C10orf143: variants seen among roughly 807,000 people sequenced by gnomAD.
C10orf143 encodes chromosome 10 open reading frame 143, also known as uncharacterized protein C10orf143.
intron 3 of C10orf143, among the ~76,000 whole-genome samples, chr10:130,040,350 G>A (rs779697240): frequency 5.3e-5 from 8 of 152,192 alleles, no homozygotes; most frequent in Non-Finnish European, 7.3e-5. Context: ...CCGTGCAAGC[G>A]TGGTATGAGT....
intron 3 of C10orf143, among the ~76,000 whole-genome samples, chr10:130,036,160 T>A (rs892025074): frequency 6.6e-6 from 1 of 152,214 alleles, no homozygotes; most frequent in African/African-American, 2.4e-5. Context: ...CCCAATTCAG[T>A]TCATAGAAAC....
chr10:130,106,075 G>T (rs1312950171), intron 1 of C10orf143: 1 of 596,012 alleles, frequency 1.7e-6, no homozygotes, highest in Non-Finnish European at 3.2e-6. Flanking sequence ...CCCCTCAGCG[G>T]TACTTGGGGC....
At chr10:130,054,266 A>G (rs1416201681) in intron 3 of C10orf143, among the ~76,000 whole-genome samples, 1 of 152,182 alleles carries the variant, frequency 6.6e-6, no homozygotes, top group Admixed American at 6.5e-5. Context: ...GAAGTGAATC[A>G]CACAGTATGT....
chr10:130,104,944 T>C (rs1200533447), intron 1 of C10orf143: 1 of 152,258 alleles, frequency 6.6e-6, no homozygotes. Context: ...TACTTTTTTA[T>C]TTGAGACAGA....
intron 3 of C10orf143, among the ~76,000 whole-genome samples, chr10:130,036,432 T>G (rs1366168876): frequency 2.0e-5 from 3 of 152,148 alleles, no homozygotes; most frequent in Admixed American, 6.5e-5. Flanking sequence ...AGATGGTTCT[T>G]CAGTCCCTAT....
intron 3 of C10orf143, among the ~76,000 whole-genome samples, chr10:130,039,486 C>T (rs1263188317): frequency 6.6e-6 from 1 of 152,116 alleles, no homozygotes; most frequent in Non-Finnish European, 1.5e-5. Flanking sequence ...GTGCCCTCCT[C>T]ATCTTCCTGT....
downstream of C10orf143, among the ~76,000 whole-genome samples, chr10:130,059,264 C>A (rs1860828786): frequency 3.3e-5 from 5 of 151,100 alleles, no homozygotes; most frequent in South Asian, 1.0e-3. Context: ...TAGAAGCCAG[C>A]AAAAAAAGAG....
intron 3 of C10orf143, among the ~76,000 whole-genome samples, chr10:130,074,876 C>G (rs1327936804): frequency 6.6e-6 from 1 of 152,202 alleles, no homozygotes; most frequent in East Asian, 1.9e-4. Flanking sequence ...TTGGACCAAA[C>G]ACCTCCCTTC....
intron 1 of C10orf143, among the ~76,000 whole-genome samples, chr10:130,105,526 T>C (rs1057360140): frequency 6.6e-6 from 1 of 151,734 alleles, no homozygotes; most frequent in Non-Finnish European, 1.5e-5. Flanking sequence ...AGGTCAGGAG[T>C]TCGAGACCAG....
intron 1 of C10orf143, among the ~76,000 whole-genome samples, chr10:130,093,396 C>T (rs995916550): frequency 1.3e-5 from 2 of 152,170 alleles, no homozygotes; most frequent in Admixed American, 6.5e-5. Context: ...ACCAGAATCT[C>T]TGAGACACAG....
intron 3 of C10orf143, among the ~76,000 whole-genome samples, 172 bp downstream of exon 3, chr10:130,079,394 G>A (rs1055876305): frequency 2.0e-5 from 3 of 152,128 alleles, no homozygotes; most frequent in Middle Eastern, 3.2e-3. Flanking sequence ...ACACAAATTA[G>A]TTTGTACACC....
In C10orf143 at chr10:130,090,569, T is replaced by A. The variant is rs554065419; in HGVS notation, c.70-10668A>T. The stretch of plus-strand genomic sequence containing the variant: ...TGGAACACCAGTGAGACAGAACCAT[T>A]CACTCCCCTGGAAAGGGGGCTGAAG... On this transcript the variant is annotated intron_variant, in intron 1 of 3. Coordinates refer to ENST00000637128, the MANE Select transcript of C10orf143 (RefSeq NM_001355042.2). 4.6e-5 allele frequency among the ~76,000 whole-genome samples: 7 copies of A among 152,230 alleles called. No homozygotes were observed. In the South Asian group the frequency reaches 1.5e-3, roughly 32 times the overall value.
intron 3 of C10orf143, among the ~76,000 whole-genome samples, chr10:130,071,920 GGC>G (rs1861040748): frequency 6.6e-6 from 1 of 152,112 alleles, no homozygotes; most frequent in African/African-American, 2.4e-5. Flanking sequence ...CACCGCGCCT[GGC>G]CGTCATATTC....
intron 1 of C10orf143, among the ~76,000 whole-genome samples, chr10:130,093,633 T>G (rs564199077): frequency 3.3e-5 from 5 of 152,188 alleles, no homozygotes; most frequent in Admixed American, 3.3e-4. Context: ...AGGAGCTGAT[T>G]TTTTGAAAAG....
intron 1 of C10orf143, chr10:130,107,646 C>A (rs1317926469): frequency 6.0e-6 from 8 of 1,325,606 alleles, no homozygotes; most frequent in Admixed American, 5.1e-5. Flanking sequence ...GCTTTTCTCT[C>A]TCCCGCAACT....
intron 1 of C10orf143, among the ~76,000 whole-genome samples, chr10:130,103,120 A>G (rs1384098362): frequency 6.6e-6 from 1 of 152,040 alleles, no homozygotes; most frequent in Non-Finnish European, 1.5e-5. Flanking sequence ...CTGAGATTAC[A>G]GGCATGAGCC....
intron 3 of C10orf143, among the ~76,000 whole-genome samples, chr10:130,050,307 C>CCCA (rs1860721722): frequency 6.6e-6 from 1 of 152,356 alleles, no homozygotes; most frequent in East Asian, 1.9e-4. Context: ...CAGTGGCTCA[C>CCCA]GCCTGCAATC....
chr10:130,107,882 C>T (rs1485196941), intron 1 of C10orf143: 1 of 1,283,110 alleles, frequency 7.8e-7, no homozygotes. Flanking sequence ...GCAATCATAT[C>T]TTGATTCAGC....
chr10:130,046,987 G>A (rs573818453), intron 3 of C10orf143, among the ~76,000 whole-genome samples: 1 of 152,330 alleles, frequency 6.6e-6, no homozygotes, highest in South Asian at 2.1e-4. Context: ...CAGACAGTAC[G>A]GTTGTTCAGT....
Sources: gnomAD v4.1 joint callset for allele counts (sites outside exome capture counted in the v4.1 genomes callset) on GRCh38, gnomAD v4.1.1 for gene constraint, MANE v1.5 for transcripts, NCBI Gene and HGNC (gene_info 2026-07-23, HGNC 2026-07-21) for gene names.